The following SLC35D2 variants were observed in gnomAD, a reference collection of about 807,000 sequenced individuals.
SLC35D2 encodes the protein nucleotide sugar transporter SLC35D2.
A neutral mutation model predicts 41.8 loss-of-function variants in SLC35D2; 43 were observed. The observed-to-expected ratio is 1.03, with a 90% confidence interval of 0.81 to 1.33. The LOEUF is 1.33. SLC35D2 is among the 40% of genes most tolerant of loss of function. SLC35D2 has a pLI of 0.00. For missense variants in SLC35D2, 380 were observed against 408.4 expected (o/e 0.93, Z 0.60); for synonymous variants, 150 against 163.9 (o/e 0.92, Z 0.65).
At chr9:96,352,264 G>C (rs1441845583) in intron 4 of SLC35D2, among the ~76,000 whole-genome samples, 155 bp from the exon 5 acceptor site, 1 of 151,966 alleles carries the variant, frequency 6.6e-6, no homozygotes, top group Non-Finnish European at 1.5e-5. Flanking sequence ...AAAATAAATG[G>C]AGATTAAATA....
intron 9 of SLC35D2, 102 bp from the exon 10 acceptor site, chr9:96,324,271 A>G: frequency 1.2e-6 from 1 of 820,150 alleles, no homozygotes; most frequent in Non-Finnish European, 1.9e-6. Context: ...CTTTAAGCGA[A>G]GAAAAAAGAA....
chr9:96,361,841 G>C (rs1830291303), intron 3 of SLC35D2, among the ~76,000 whole-genome samples: 1 of 152,140 alleles, frequency 6.6e-6, no homozygotes, highest in Non-Finnish European at 1.5e-5. Context: ...AGTCAACCCT[G>C]CCAGCACTTT....
exon 12 of SLC35D2, chr9:96,314,046 A>T (rs1192138738): frequency 1.3e-5 from 2 of 152,816 alleles, no homozygotes; most frequent in Non-Finnish European, 2.9e-5. Context: ...CAGGAGGATC[A>T]CTTGAGGCCA....
At chr9:96,314,798 C>T (rs1194925291) in exon 12 of SLC35D2, 2 of 152,114 alleles carry the variant, frequency 1.3e-5, no homozygotes, top group African/African-American at 4.8e-5. Flanking sequence ...GATGAGAATT[C>T]AGGTGGTCTT....
At chr9:96,382,851 T>C (rs1336007040) in intron 1 of SLC35D2, among the ~76,000 whole-genome samples, 1 of 152,214 alleles carries the variant, frequency 6.6e-6, no homozygotes, top group Non-Finnish European at 1.5e-5. Flanking sequence ...ACTGTGAGAC[T>C]GGTCCAAAAA....
chr9:96,342,471 C>T (rs1829374663), intron 8 of SLC35D2, among the ~76,000 whole-genome samples: 1 of 152,104 alleles, frequency 6.6e-6, no homozygotes, highest in Non-Finnish European at 1.5e-5. Context: ...GGAGCACTGA[C>T]TCAGTTTAAA....
intron 9 of SLC35D2, among the ~76,000 whole-genome samples, chr9:96,324,762 C>T (rs1357218066): frequency 6.6e-6 from 1 of 151,978 alleles, no homozygotes; most frequent in Non-Finnish European, 1.5e-5. Flanking sequence ...ACCATGTTGC[C>T]CAGGCTGGTC....
At chr9:96,321,363 AAAAT>A in intron 11 of SLC35D2, 22 bp from the exon 12 acceptor site, 1 of 1,570,308 alleles carries the variant, frequency 6.4e-7, no homozygotes, top group Non-Finnish European at 8.8e-7. Flanking sequence ...AAAAAAAGTG[AAAAT>A]AAATGACTGG....
At chr9:96,357,004 C>T (rs1830054157) in intron 4 of SLC35D2, among the ~76,000 whole-genome samples, 1 of 152,030 alleles carries the variant, frequency 6.6e-6, no homozygotes, top group African/African-American at 2.4e-5. Context: ...CATGGAGAAA[C>T]CCCGTCTCTA....
intron 9 of SLC35D2, among the ~76,000 whole-genome samples, chr9:96,330,267 T>C (rs1342076703): frequency 6.6e-6 from 1 of 152,204 alleles, no homozygotes; most frequent in African/African-American, 2.4e-5. Flanking sequence ...CCCCACCTGG[T>C]CCACTCAGAC....
intron 1 of SLC35D2, among the ~76,000 whole-genome samples, chr9:96,377,693 GGA>G (rs1831015326): frequency 6.6e-6 from 1 of 152,214 alleles, no homozygotes; most frequent in Non-Finnish European, 1.5e-5. Flanking sequence ...GCAAGGTTCA[GGA>G]GAGTTTGCTG....
chr9:96,345,696 G>C (rs1829544141), intron 6 of SLC35D2, among the ~76,000 whole-genome samples: 1 of 152,182 alleles, frequency 6.6e-6, no homozygotes, highest in Non-Finnish European at 1.5e-5. Flanking sequence ...TAACTGGTGA[G>C]CCCTGACTTT....
intron 3 of SLC35D2, among the ~76,000 whole-genome samples, chr9:96,362,930 A>G (rs1159865963): frequency 6.7e-6 from 1 of 150,144 alleles, no homozygotes; most frequent in South Asian, 2.1e-4. Flanking sequence ...GCAGTGGCAC[A>G]ATCTTGGCTC....
At chr9:96,328,682 C>G (rs960300575) in intron 9 of SLC35D2, among the ~76,000 whole-genome samples, 3 of 152,170 alleles carry the variant, frequency 2.0e-5, no homozygotes, top group African/African-American at 7.2e-5. Flanking sequence ...CTAGTTTATA[C>G]CTTGTCACTG....
chr9:96,336,832 G>A, intron 8 of SLC35D2, 48 bp from the exon 9 acceptor site: 1 of 1,103,858 alleles, frequency 9.1e-7, no homozygotes, highest in Non-Finnish European at 1.3e-6. Context: ...TAATACTGCA[G>A]TTTAAATTTA....
chr9:96,359,244 C>A (rs551063111), intron 4 of SLC35D2, among the ~76,000 whole-genome samples: 34 of 142,656 alleles, frequency 2.4e-4, no homozygotes, highest in South Asian at 6.7e-4. Context: ...GCGGAGCTTG[C>A]AGTGAGCCGA....
chr9:96,364,465 T>C lies in SLC35D2; in HGVS notation c.278A>G (p.Lys93Arg), dbSNP rs1339471018. Residue 93 changes from lysine to arginine, a missense_variant and splice_region_variant, in exon 3 of 12, where the codon AAG becomes AGG. By Grantham distance (26) the Lys-to-Arg change is conservative. Transcript: ENST00000253270. ...FPDFDKKIPV[K>R]LFPLPLLYVG... is the part of the protein sequence containing the mutation. ...TCATACATACTTTTCATTACTTACCTTTACAGGAATTTTCTTATCAAAATC... is the reference window on the plus strand; with the variant it reads ...TCATACATACTTTTCATTACTTACCCTTACAGGAATTTTCTTATCAAAATC... 1.3e-6 allele frequency: 2 copies of C among 1,538,734 alleles called. No individual in the cohort carries two copies. The highest frequency in any genetic ancestry group is 3.4e-5 in the Admixed American group (2 of 59,690).
At chr9:96,362,322 A>G (rs1830310069) in intron 3 of SLC35D2, among the ~76,000 whole-genome samples, 1 of 152,224 alleles carries the variant, frequency 6.6e-6, no homozygotes. Flanking sequence ...AGCCTGACCA[A>G]CATGGAGAAA....
intron 7 of SLC35D2, among the ~76,000 whole-genome samples, chr9:96,344,273 G>A (rs1245390283): frequency 6.6e-6 from 1 of 151,794 alleles, no homozygotes; most frequent in Non-Finnish European, 1.5e-5. Context: ...CTAATTATGT[G>A]GGGTTTTTTT....
Sources: allele counts gnomAD v4.1 joint callset (sites outside exome capture counted in the v4.1 genomes callset), GRCh38; gene constraint gnomAD v4.1.1; transcripts MANE v1.5; gene names NCBI Gene and HGNC (gene_info 2026-07-23, HGNC 2026-07-21).